ITPR1: variants seen among roughly 807,000 people sequenced by gnomAD.
The protein encoded by ITPR1 is inositol 1,4,5-trisphosphate-gated calcium channel ITPR1.
A neutral mutation model predicts 318.4 loss-of-function variants in ITPR1; 96 were observed. The ratio of observed to expected loss-of-function variants is 0.30; its 90% CI spans 0.26 to 0.36. ITPR1 has a LOEUF of 0.36. Among genes scored for constraint, ITPR1 ranks in the 10% least tolerant of loss-of-function variants. The pLI is 1.00. For synonymous variants in ITPR1, 1,312 were observed against 1,289.9 expected (o/e 1.02, Z -0.37); for missense variants, 2,440 against 3,460.2 (o/e 0.71, Z 7.40).
intron 2 of ITPR1, among the ~76,000 whole-genome samples, chr3:4,513,920 T>A (rs2082008361): frequency 6.6e-6 from 1 of 152,074 alleles, no homozygotes; most frequent in African/African-American, 2.4e-5. Context: ...ACCCCATCTC[T>A]ACAAAAAATA....
chr3:4,506,952 G>C (rs896678220), intron 2 of ITPR1, among the ~76,000 whole-genome samples: 2 of 152,102 alleles, frequency 1.3e-5, no homozygotes, highest in Non-Finnish European at 2.9e-5. Flanking sequence ...AGTTACATCT[G>C]TCTGTATTTA....
intron 2 of ITPR1, among the ~76,000 whole-genome samples, chr3:4,508,072 C>T (rs1575347052): frequency 6.6e-6 from 1 of 152,114 alleles, no homozygotes; most frequent in Non-Finnish European, 1.5e-5. Flanking sequence ...GGGGACGAGG[C>T]GAGGGGTTGC....
intron 60 of ITPR1, among the ~76,000 whole-genome samples, chr3:4,820,760 C>T (rs546167269): frequency 4.3e-4 from 65 of 152,360 alleles, no homozygotes; most frequent in Non-Finnish European, 8.4e-4. Context: ...TACCGCTAAA[C>T]GGTGGTGCCT....
Position 4,836,795 on chromosome 3 carries a change from C to G in ITPR1, c.8050C>G (p.Pro2684Ala), listed in dbSNP as rs1442798400. Residue 2684 changes from proline (P) to alanine (A), a missense_variant, in exon 61 of 62, where the codon CCC becomes GCC. Transcript: ENST00000649015. ...MIKERNLDWF[P>A]RMRAMSLVSS... ...CTAGGAAAGAAACCTTGACTGGTTCCCCAGGATGAGAGCCATGTCATTGGT... is the reference window on the plus strand; with the variant it reads ...CTAGGAAAGAAACCTTGACTGGTTCGCCAGGATGAGAGCCATGTCATTGGT... The G allele has an allele frequency of 7.1e-7, 1 of 1,416,062 alleles. No homozygotes were observed. The highest frequency in any genetic ancestry group is 9.4e-7 in the Non-Finnish European group (1 of 1,066,722). 87.7% of individuals were successfully genotyped at this position (1,416,062 alleles called of 1,614,324 possible). A position where few individuals can be genotyped will look rare whatever the true frequency, so the allele number is the denominator to read the frequency against.
At chr3:4,731,832 C>A (rs1184203885) in intron 42 of ITPR1, among the ~76,000 whole-genome samples, 2 of 152,178 alleles carry the variant, frequency 1.3e-5, no homozygotes, top group Non-Finnish European at 2.9e-5. Flanking sequence ...CACTTGAAAT[C>A]TCCAGACCTA....
In ITPR1 at chr3:4,721,932, G is replaced by A. The variant is rs560505640; in HGVS notation, c.5137-3614G>A. ...AGTCTGTGTGCTCCTTTTCATTTAA[G>A]AATGATAAAGTATAATTTCTTTCAT... On this transcript the variant is annotated intron_variant, in intron 40 of 61. Transcript: ENST00000649015. Among the ~76,000 whole-genome samples the A allele has an allele frequency of 3.3e-4, 50 of 152,296 alleles. 1 individual carries two copies. The South Asian group carries it at 4.3e-3, about 13-fold the overall frequency.
chr3:4,582,099 G>A (rs1039225419), intron 4 of ITPR1, among the ~76,000 whole-genome samples: 17 of 151,974 alleles, frequency 1.1e-4, no homozygotes, highest in African/African-American at 2.4e-4. Flanking sequence ...TTGAATACTC[G>A]GTGCTCCCGT....
chr3:4,511,478 C>T lies in ITPR1; in HGVS notation c.-16-4998C>T, dbSNP rs376870840. Among the ~76,000 whole-genome samples, 16 of 152,334 alleles carry T rather than the reference C, an allele frequency of 1.1e-4. No homozygotes were observed. In the East Asian group the frequency reaches 2.5e-3, roughly 24 times the overall value. On this transcript the variant is annotated intron_variant, in intron 2 of 61. Coordinates refer to ENST00000649015, the MANE Select transcript of ITPR1 (RefSeq NM_001378452.1). Reference sequence around the variant, plus strand: ...TTGGCCAAAGCCACCCTGGAAGAATCCTGTTTTAACAGGTGCTTGCACCCA... The same window carrying T: ...TTGGCCAAAGCCACCCTGGAAGAATTCTGTTTTAACAGGTGCTTGCACCCA...
At chr3:4,706,086 T>C in intron 36 of ITPR1, 81 bp from the exon 37 acceptor site, 3 of 1,471,370 alleles carry the variant, frequency 2.0e-6, no homozygotes, top group Non-Finnish European at 2.8e-6. Flanking sequence ...ACCTGCTGGA[T>C]GGGGACTAGG....
chr3:4,779,115 C>T lies in ITPR1; in HGVS notation c.6292-435C>T, dbSNP rs2046657324. Among the ~76,000 whole-genome samples, 1 of 152,232 alleles carries T rather than the reference C, an allele frequency of 6.6e-6. No individual in the cohort carries two copies. The highest frequency in any genetic ancestry group is 2.1e-4 in the South Asian group (1 of 4,832). ...GGGAAGAATTACCTTTATTACCTGT[C>T]TTCTCTGGCCTGCAAGGCCAAATAA... On this transcript the variant is annotated intron_variant, in intron 48 of 61. Transcript: ENST00000649015. This position sits in a 1 kb window ranked among gnomAD's most constrained non-coding sequence, Gnocchi z 4.0.
intron 20 of ITPR1, among the ~76,000 whole-genome samples, chr3:4,671,232 C>A (rs537284897): frequency 6.2e-4 from 94 of 152,270 alleles, no homozygotes; most frequent in Admixed American, 5.2e-3. Context: ...GGGGTCACAT[C>A]CCTACCTCTC....
intron 4 of ITPR1, among the ~76,000 whole-genome samples, chr3:4,525,894 A>C (rs1559385635): frequency 1.3e-5 from 2 of 152,218 alleles, no homozygotes. Flanking sequence ...CTACAAAGAA[A>C]AGGTGGAAAC....
intron 5 of ITPR1, among the ~76,000 whole-genome samples, chr3:4,632,120 C>G (rs923253130): frequency 6.6e-6 from 1 of 152,218 alleles, no homozygotes; most frequent in African/African-American, 2.4e-5. Context: ...CTGCAGCAAT[C>G]CATAATCTCC....
chr3:4,554,550 G>A (rs370408396), intron 4 of ITPR1, among the ~76,000 whole-genome samples: 1 of 152,150 alleles, frequency 6.6e-6, no homozygotes, highest in East Asian at 1.9e-4. Context: ...GGGTTGGGCT[G>A]GAGAGAAAGG....
At position 4,846,004 on chromosome 3, in the gene ITPR1, A is replaced by AC. The variant is rs2051748154; in HGVS notation, c.8191-135_8191-134insC. On this transcript the variant is annotated intron_variant, in intron 61 of 61. Coordinates refer to ENST00000649015, the MANE Select transcript of ITPR1 (RefSeq NM_001378452.1). ...TTTTTTGAAGTGCTGTGTGTTTGAT[A>AC]TAGCGATGGTACACTATTTGTAGAA... is the stretch of plus-strand genomic sequence containing the variant. The AC allele has an allele frequency of 3.7e-5, 19 of 510,386 alleles. No homozygotes were observed. In the Admixed American group the frequency reaches 7.3e-4, roughly 20 times the overall value. The allele number at this position is 510,386 out of a possible 1,614,324, so 31.6% of individuals were successfully genotyped here. A position where few individuals can be genotyped will look rare whatever the true frequency, so the allele number is the denominator to read the frequency against.
Position 4,699,829 on chromosome 3 carries a change from G to C in ITPR1, c.4424G>C (p.Ser1475Thr). Residue 1475 changes from serine to threonine, a missense_variant, in exon 35 of 62, where the codon AGT becomes ACT. Physicochemically the swap from Ser to Thr is moderately conservative, Grantham distance 58 (BLOSUM62 1). Coordinates refer to ENST00000649015, the MANE Select transcript of ITPR1 (RefSeq NM_001378452.1). The part of the protein sequence containing the change: ...VDICRACNNT[S>T]DRKHADSILE... ...GTCTTCCAGGCCTGTAACAACACTA[G>C]TGACAGGAAACATGCAGACTCGATT... is the stretch of plus-strand genomic sequence containing the variant. 1 of 1,613,866 alleles carries C rather than the reference G, an allele frequency of 6.2e-7. No individual in the cohort carries two copies. The highest frequency in any genetic ancestry group is 8.5e-7 in the Non-Finnish European group (1 of 1,179,826).
intron 4 of ITPR1, among the ~76,000 whole-genome samples, chr3:4,524,301 G>GTTT (rs56380229): frequency 0.17 from 12,829 of 73,484 alleles, 2,075 homozygotes; most frequent in Non-Finnish European, 0.23. Context: ...ATACTTTGAC[G>GTTT]TTTTTTTTTT....
At chr3:4,830,904 A>G (rs1288187603) in intron 60 of ITPR1, 2 of 456,062 alleles carry the variant, frequency 4.4e-6, no homozygotes, top group African/African-American at 4.0e-5. Flanking sequence ...AAAAGATTCC[A>G]CAAAAATGTT....
chr3:4,822,384 T>G (rs527308533), intron 60 of ITPR1, among the ~76,000 whole-genome samples: 1 of 152,236 alleles, frequency 6.6e-6, no homozygotes, highest in Non-Finnish European at 1.5e-5. Flanking sequence ...AGTGGGCATC[T>G]TGACTCTAAG....
Sources: gnomAD v4.1 joint callset for allele counts (sites outside exome capture counted in the v4.1 genomes callset) on GRCh38, gnomAD v4.1.1 for gene constraint, Gnocchi (gnomAD v3.1) non-coding constraint, MANE v1.5 for transcripts, NCBI Gene and HGNC (gene_info 2026-07-23, HGNC 2026-07-21) for gene names.